The following ERCC6L2 variants were observed in gnomAD, a reference collection of about 807,000 sequenced individuals.
ERCC6L2 encodes the protein ERCC excision repair 6 like 2.
In ERCC6L2, 77 loss-of-function variants were observed where a neutral mutation model predicts 132.0. The observed-to-expected ratio is 0.58, with a 90% CI of 0.49 to 0.71. The LOEUF (loss-of-function observed/expected upper bound fraction) is 0.71. ERCC6L2 is among the 30% of genes least tolerant of loss of function. The probability of loss-of-function intolerance (pLI) is 0.00; values close to 1 mark genes in which losing one functional copy is unlikely to be tolerated. For synonymous variants in ERCC6L2, 583 were observed against 632.4 expected, an observed-to-expected ratio of 0.92 and a Z score of 1.17; for missense variants, 1,542 against 1,837.6, an observed-to-expected ratio of 0.84 and a Z score of 2.94.
intron 11 of ERCC6L2, among the ~76,000 whole-genome samples, chr9:95,931,112 A>G (rs548543681): frequency 6.6e-6 from 1 of 152,352 alleles, no homozygotes; most frequent in East Asian, 1.9e-4. Context: ...ATGCAAGATC[A>G]GTCTTAACAT....
Position 95,921,248 on chromosome 9 carries a change from T to C in ERCC6L2, c.1232T>C (p.Leu411Ser), listed in dbSNP as rs1231909840. The change falls in exon 7 of 19, where the codon TTG becomes TCG. Residue 411 changes from leucine to serine, a missense_variant. Leu to Ser is a moderately radical substitution (Grantham distance 145). This residue lies in a region of ERCC6L2 where 945 missense variants were observed against 1,105.2 expected (regional missense o/e 0.86). Transcript: ENST00000653738. ...QTVLETEDVTLILQSSEPCTC... is the reference protein window; with the variant it reads ...QTVLETEDVTSILQSSEPCTC... ...GTGTTAGAAACAGAGGACGTGACTTTGATACTTCAATCTTCTGAGCCTTGT... is the reference window on the plus strand; with the variant it reads ...GTGTTAGAAACAGAGGACGTGACTTCGATACTTCAATCTTCTGAGCCTTGT... 1 of 1,613,734 alleles carries C rather than the reference T, an allele frequency of 6.2e-7. No homozygotes were observed. Among genetic ancestry groups the C allele is most frequent in the Non-Finnish European group, 8.5e-7 (1 of 1,179,724 alleles).
chr9:95,896,408 ATTT>A (rs11371289), intron 2 of ERCC6L2, among the ~76,000 whole-genome samples: 6 of 136,484 alleles, frequency 4.4e-5, no homozygotes, highest in African/African-American at 8.8e-5. Context: ...TTGTTTTTTG[ATTT>A]TTTTTTTTTG....
intron 19 of ERCC6L2, among the ~76,000 whole-genome samples, chr9:96,036,302 C>T (rs1834518277): frequency 6.6e-6 from 1 of 152,176 alleles, no homozygotes; most frequent in South Asian, 2.1e-4. Flanking sequence ...GAATTTGTCC[C>T]TTTGTGTCTG....
At chr9:95,953,845 A>G (rs1395082403) in intron 12 of ERCC6L2, among the ~76,000 whole-genome samples, 1 of 152,268 alleles carries the variant, frequency 6.6e-6, no homozygotes, top group African/African-American at 2.4e-5. Flanking sequence ...GAAAAAGTCA[A>G]ATACATAGAA....
At chr9:95,943,418 T>C (rs1425587701) in intron 12 of ERCC6L2, among the ~76,000 whole-genome samples, 1 of 152,052 alleles carries the variant, frequency 6.6e-6, no homozygotes, top group Non-Finnish European at 1.5e-5. Context: ...GTTATAATAA[T>C]TACCTGGTAC....
intron 7 of ERCC6L2, among the ~76,000 whole-genome samples, 179 bp downstream of exon 7, chr9:95,921,494 A>G (rs1015839252): frequency 2.0e-5 from 3 of 152,244 alleles, no homozygotes; most frequent in African/African-American, 7.2e-5. Flanking sequence ...CATATAAAAT[A>G]CAATATTCAA....
At chr9:95,906,271 AAATTTTTGTTTTTC>A (rs1829029589) in intron 3 of ERCC6L2, among the ~76,000 whole-genome samples, 1 of 152,186 alleles carries the variant, frequency 6.6e-6, no homozygotes, top group African/African-American at 2.4e-5. Flanking sequence ...AAGTTTTAAA[AAATTTTTGTTTTTC>A]GGATTTTTTT....
At chr9:95,894,147 C>T (rs1828318173) in intron 2 of ERCC6L2, among the ~76,000 whole-genome samples, 1 of 152,168 alleles carries the variant, frequency 6.6e-6, no homozygotes, top group African/African-American at 2.4e-5. Context: ...AACACAATGC[C>T]TGTTTCATAC....
intron 2 of ERCC6L2, among the ~76,000 whole-genome samples, chr9:95,887,286 A>T (rs1827923304): frequency 6.6e-6 from 1 of 152,228 alleles, no homozygotes; most frequent in Non-Finnish European, 1.5e-5. Context: ...GAAACCCACC[A>T]AACTTTGAGT....
chr9:95,896,802 C>A (rs1299335523), intron 2 of ERCC6L2, among the ~76,000 whole-genome samples: 1 of 152,110 alleles, frequency 6.6e-6, no homozygotes, highest in Non-Finnish European at 1.5e-5. Flanking sequence ...TCTCAAGCAC[C>A]TGCTTGTGGT....
At chr9:95,934,926 C>G (rs193257623) in intron 11 of ERCC6L2, among the ~76,000 whole-genome samples, 131 of 152,186 alleles carry the variant, frequency 8.6e-4, no homozygotes, top group African/African-American at 3.1e-3. Context: ...TTATGTACCC[C>G]AAGAGAAAGA....
chr9:95,956,744 G>T (rs868501682), intron 13 of ERCC6L2, among the ~76,000 whole-genome samples: 1 of 152,038 alleles, frequency 6.6e-6, no homozygotes, highest in African/African-American at 2.4e-5. Context: ...AGCAGCATGG[G>T]TATAACTGCC....
intron 19 of ERCC6L2, among the ~76,000 whole-genome samples, chr9:96,030,968 G>A (rs79661014): frequency 3.3e-5 from 5 of 152,234 alleles, no homozygotes; most frequent in African/African-American, 1.2e-4. Context: ...TGCTTGTCGC[G>A]CCCCCTGCTT....
At chr9:95,946,410 C>T (rs1313043382) in intron 12 of ERCC6L2, among the ~76,000 whole-genome samples, 2 of 152,186 alleles carry the variant, frequency 1.3e-5, no homozygotes, top group East Asian at 1.9e-4. Context: ...CGCTTGTAGT[C>T]CCAGCTACTT....
chr9:96,022,692 G>C (rs1001481248), downstream of ERCC6L2, among the ~76,000 whole-genome samples: 2 of 152,180 alleles, frequency 1.3e-5, no homozygotes, highest in African/African-American at 4.8e-5. Context: ...GTCAGGCAGT[G>C]GGGCACAGGT....
chr9:95,975,947 G>T (rs574241383), intron 16 of ERCC6L2, among the ~76,000 whole-genome samples: 2 of 152,048 alleles, frequency 1.3e-5, no homozygotes, highest in African/African-American at 4.8e-5. Flanking sequence ...GATTTACGTT[G>T]ATTCATGTCT....
downstream of ERCC6L2, among the ~76,000 whole-genome samples, chr9:96,019,042 G>A (rs1834240507): frequency 1.3e-5 from 2 of 152,168 alleles, no homozygotes; most frequent in Admixed American, 6.5e-5. Flanking sequence ...GGGGAAAAAT[G>A]CGTGTGCAGC....
intron 9 of ERCC6L2, among the ~76,000 whole-genome samples, chr9:95,925,920 G>T (rs1403864179): frequency 1.6e-4 from 25 of 152,216 alleles, no homozygotes; most frequent in Admixed American, 1.6e-3. Context: ...TGAAAAATGG[G>T]CAAAGGATCT....
chr9:95,908,796 A>G (rs1392290621), intron 4 of ERCC6L2, among the ~76,000 whole-genome samples: 3 of 152,182 alleles, frequency 2.0e-5, no homozygotes, highest in Admixed American at 1.3e-4. Flanking sequence ...CTCAATTTGA[A>G]CTACTGCTAA....
Sources: allele counts gnomAD v4.1 joint callset (sites outside exome capture counted in the v4.1 genomes callset), GRCh38; gene constraint gnomAD v4.1.1; regional missense constraint gnomAD v4.1.1; transcripts MANE v1.5; gene names NCBI Gene and HGNC (gene_info 2026-07-23, HGNC 2026-07-21).